SGSM1: variants seen among roughly 807,000 people sequenced by gnomAD.
SGSM1 encodes RUN and TBC1 domain containing 2.
A neutral mutation model predicts 133.8 loss-of-function variants in SGSM1; 73 were observed. The observed-to-expected ratio is 0.55, with a 90% CI of 0.45 to 0.66. SGSM1 has a LOEUF of 0.66. Among genes scored for constraint, SGSM1 ranks in the 30% least tolerant of loss-of-function variants. The pLI, the probability that SGSM1 is intolerant of heterozygous loss-of-function variation, is 0.00. For synonymous variants in SGSM1, 563 were observed against 573.0 expected, an observed-to-expected ratio of 0.98 and a Z score of 0.25; for missense variants, 1,213 against 1,448.1, an observed-to-expected ratio of 0.84 and a Z score of 2.64.
chr22:24,902,068 C>T, intron 20 of SGSM1, 111 bp downstream of exon 20: 2 of 1,151,536 alleles, frequency 1.7e-6, no homozygotes, highest in South Asian at 3.0e-5. Flanking sequence ...TGGCATCATA[C>T]TCACCTGGAA....
Position 24,841,900 on chromosome 22 carries a change from A to G in SGSM1, c.64-2997A>G, listed in dbSNP as rs189877602. ...GGTAAAGGAATTTGCCCAAGTTGTG[A>G]TAAGTGTCTCATCCAGGATTTGAAC... On this transcript the variant is annotated intron_variant, in intron 2 of 24. Coordinates refer to ENST00000400358, the MANE Select transcript of SGSM1 (RefSeq NM_001098497.3). Among the ~76,000 whole-genome samples the G allele has an allele frequency of 2.8e-3, 428 of 152,260 alleles. 3 individuals are homozygous for G. Among genetic ancestry groups the G allele is most frequent in the Non-Finnish European group, 3.1e-3 (208 of 68,026 alleles).
intron 2 of SGSM1, among the ~76,000 whole-genome samples, chr22:24,831,332 C>T (rs1601900605): frequency 6.6e-6 from 1 of 152,012 alleles, no homozygotes; most frequent in African/African-American, 2.4e-5. Flanking sequence ...CCAAGGGGAG[C>T]TGGGATGGCC....
intron 15 of SGSM1, among the ~76,000 whole-genome samples, chr22:24,885,136 T>C (rs1329877053): frequency 2.0e-5 from 3 of 151,972 alleles, no homozygotes; most frequent in Admixed American, 1.3e-4. Flanking sequence ...GGTTTCTCCA[T>C]GTTGGTCAGG....
At chr22:24,915,767 G>A (rs1469707388) in intron 22 of SGSM1, among the ~76,000 whole-genome samples, 1 of 152,124 alleles carries the variant, frequency 6.6e-6, no homozygotes, top group African/African-American at 2.4e-5. Context: ...TAGTTACCCT[G>A]CTGTGCGATC....
intron 21 of SGSM1, among the ~76,000 whole-genome samples, chr22:24,911,289 CTTTTTT>C (rs139761): frequency 3.1e-5 from 4 of 128,552 alleles, no homozygotes; most frequent in Admixed American, 8.0e-5. Flanking sequence ...TAATTCCCCA[CTTTTTT>C]TTTTTTTTTT....
intron 3 of SGSM1, among the ~76,000 whole-genome samples, chr22:24,845,955 TTCTTTCTTTC>T (rs1176602065): frequency 4.4e-5 from 4 of 91,840 alleles, no homozygotes. Flanking sequence ...CTTTCTTTCT[TTCTTTCTTTC>T]TTTCTTTCTT....
chr22:24,879,448 T>G lies in SGSM1; in HGVS notation c.1431-14T>G. 1 of 1,613,374 alleles carries G rather than the reference T, an allele frequency of 6.2e-7. No homozygotes were observed. Among genetic ancestry groups the G allele is most frequent in the Non-Finnish European group, 8.5e-7 (1 of 1,179,690 alleles). ...GGATCTATTCTAAGCATCTCCCTCT[T>G]TCTCCACCTGCAGGGCTCCCCTGAA... On this transcript the variant is annotated splice_polypyrimidine_tract_variant and intron_variant, in intron 13 of 24. Coordinates refer to ENST00000400358, the MANE Select transcript of SGSM1 (RefSeq NM_001098497.3).
chr22:24,872,108 A>G (rs906187776), intron 12 of SGSM1, among the ~76,000 whole-genome samples: 1 of 152,194 alleles, frequency 6.6e-6, no homozygotes, highest in Non-Finnish European at 1.5e-5. Context: ...ATGGCCCACA[A>G]AGTTGAAAGT....
intron 22 of SGSM1, among the ~76,000 whole-genome samples, chr22:24,914,400 C>T (rs144561345): frequency 0.01 from 1,567 of 152,056 alleles, 14 homozygotes; most frequent in Non-Finnish European, 0.017. Flanking sequence ...TGCTTGAACC[C>T]GGTAGGTGGA....
chr22:24,850,316 G>A lies in SGSM1; in HGVS notation c.339G>A (p.Arg113=). ...NQIQGLQENV[R]KLPKLPNLSP... ...TTCAAGGCCTCCAGGAGAATGTGCG[G>A]AAGCTGCCGAAGCTGCCCAACTTGT... is the stretch of plus-strand genomic sequence containing the variant. The change falls in exon 5 of 25, where the codon CGG becomes CGA. Residue 113 remains arginine (R), a synonymous_variant. Coordinates refer to ENST00000400358, the MANE Select transcript of SGSM1 (RefSeq NM_001098497.3). The A allele has an allele frequency of 6.2e-7, 1 of 1,611,454 alleles. No individual in the cohort carries two copies. The highest frequency in any genetic ancestry group is 8.5e-7 in the Non-Finnish European group (1 of 1,178,822).
intron 9 of SGSM1, among the ~76,000 whole-genome samples, chr22:24,860,908 A>ATATAT (rs1399338628): frequency 2.2e-5 from 2 of 91,124 alleles, no homozygotes; most frequent in Admixed American, 1.1e-4. Context: ...AAAAAAAAAA[A>ATATAT]AAAAAAAAAA....
intron 12 of SGSM1, among the ~76,000 whole-genome samples, chr22:24,873,899 C>G (rs939751498): frequency 6.6e-6 from 1 of 152,020 alleles, no homozygotes; most frequent in Non-Finnish European, 1.5e-5. Flanking sequence ...CTTGGCTCCT[C>G]TCCTCATTAG....
intron 4 of SGSM1, among the ~76,000 whole-genome samples, chr22:24,849,017 A>T (rs988803936): frequency 6.6e-6 from 1 of 152,194 alleles, no homozygotes; most frequent in African/African-American, 2.4e-5. Flanking sequence ...TTCTTAAAGG[A>T]TTAGATTTGT....
rs76940917 is a variant in SGSM1 at position 24,834,108 on chromosome 22, G to A, written c.64-10789G>A. Among the ~76,000 whole-genome samples the A allele has an allele frequency of 1.6e-3, 249 of 152,388 alleles. 1 individual carries two copies. The highest frequency in any genetic ancestry group is 3.3e-3 in the Non-Finnish European group (224 of 68,040). On this transcript the variant is annotated intron_variant, in intron 2 of 24. Transcript: ENST00000400358. ...CTCCTGCATCAGAGCCTCTCTGGAG[G>A]TGACAGCAGATGGTTGCCTCCAAGG...
intron 5 of SGSM1, among the ~76,000 whole-genome samples, chr22:24,851,606 G>A (rs1174707945): frequency 6.6e-6 from 1 of 152,166 alleles, no homozygotes; most frequent in East Asian, 1.9e-4. Flanking sequence ...GCATGAAAGT[G>A]GAGAGAAAAG....
intron 12 of SGSM1, chr22:24,874,391 GTTCT>G: frequency 6.3e-7 from 1 of 1,593,312 alleles, no homozygotes. Flanking sequence ...CACCTCACTG[GTTCT>G]TTCTGTTTTG....
rs1026565325 is a variant in SGSM1, at chr22:24,897,974, G to A, written c.2025G>A (p.Val675=). ...LHSDSSSSTQ[V]FESVDEVEQV... ...GTTTTTGTGCACCTTGTCCTCAGGT[G>A]TTTGAGTCTGTGGATGAGGTGGAGC... The change falls in exon 19 of 25, where the codon GTG becomes GTA. Residue 675 remains valine (V), a splice_region_variant and synonymous_variant. Coordinates refer to ENST00000400358, the MANE Select transcript of SGSM1 (RefSeq NM_001098497.3). The A allele has an allele frequency of 5.0e-6, 8 of 1,591,862 alleles. No homozygotes were observed. Among genetic ancestry groups the A allele is most frequent in the Admixed American group, 3.6e-5 (2 of 55,810 alleles).
chr22:24,844,898 T>G lies in SGSM1; in HGVS notation c.65T>G (p.Val22Gly). 1.2e-6 allele frequency: 2 copies of G among 1,613,584 alleles called. No individual in the cohort carries two copies. Among genetic ancestry groups the G allele is most frequent in the Non-Finnish European group, 1.7e-6 (2 of 1,179,808 alleles). Residue 22 changes from valine (V) to glycine (G), a missense_variant and splice_region_variant, in exon 3 of 25, where the codon GTG becomes GGG. Transcript: ENST00000400358. The stretch of plus-strand genomic sequence containing the variant: ...CCTCCGGTCACCTTTGCCTTCCAGG[T>G]GAAGCAGATCATGGAGGAGGCTGTG... ...QRLLRTVKKE[V>G]KQIMEEAVTR...
chr22:24,899,028 A>C (rs1374176781), intron 19 of SGSM1, among the ~76,000 whole-genome samples: 1 of 148,796 alleles, frequency 6.7e-6, no homozygotes, highest in African/African-American at 2.4e-5. Context: ...TCTCAAAAAA[A>C]AAAAAAAAAA....
Sources: allele counts gnomAD v4.1 joint callset (sites outside exome capture counted in the v4.1 genomes callset), GRCh38; gene constraint gnomAD v4.1.1; transcripts MANE v1.5; gene names NCBI Gene and HGNC (gene_info 2026-07-23, HGNC 2026-07-21).